The following REV1 variants were observed in gnomAD, a reference collection of about 807,000 sequenced individuals.
The protein encoded by REV1 is REV1 DNA directed polymerase, also known as translesion synthesis protein REV1.
Under a neutral mutation model 137.4 loss-of-function variants are expected in REV1, and 42 were observed. The ratio of observed to expected loss-of-function variants is 0.31; its 90% CI spans 0.24 to 0.40. REV1 has a LOEUF of 0.40. Ranked by LOEUF, REV1 falls within the 10% of genes least tolerant of loss-of-function variation. The pLI is 1.00. For synonymous variants in REV1, 524 were observed against 519.2 expected (o/e 1.01, Z -0.12); for missense variants, 1,282 against 1,490.1 (o/e 0.86, Z 2.30).
At chr2:99,472,578 G>A (rs1010220958) in intron 1 of REV1, among the ~76,000 whole-genome samples, 1 of 152,222 alleles carries the variant, frequency 6.6e-6, no homozygotes, top group Non-Finnish European at 1.5e-5. Context: ...TCTGAAGCTG[G>A]AAACACTGTA....
chr2:99,462,276 C>G (rs944512551), intron 3 of REV1, among the ~76,000 whole-genome samples: 7 of 152,104 alleles, frequency 4.6e-5, no homozygotes, highest in Admixed American at 3.9e-4. Flanking sequence ...TTAAACCTCA[C>G]GTGACTTTTT....
At chr2:99,442,507 T>C (rs750331525) in intron 4 of REV1, 38 bp from the exon 5 acceptor site, 4 of 1,592,420 alleles carry the variant, frequency 2.5e-6, no homozygotes, top group Non-Finnish European at 3.4e-6. Context: ...AGTTCCATAC[T>C]TGGTGACAAT....
intron 1 of REV1, among the ~76,000 whole-genome samples, chr2:99,482,572 A>T (rs762641340): frequency 5.3e-5 from 8 of 152,150 alleles, no homozygotes; most frequent in Admixed American, 2.0e-4. Flanking sequence ...TGCCCAAATT[A>T]CACTACAGCT....
intron 21 of REV1, 26 bp from the exon 22 acceptor site, chr2:99,402,372 G>A: frequency 2.6e-6 from 3 of 1,133,466 alleles, no homozygotes; most frequent in Non-Finnish European, 3.9e-6. Flanking sequence ...AACTTCAAAT[G>A]AGGACCAGTC....
rs766655273 is a variant in REV1, at chr2:99,424,181, G to A, written c.1647C>T (p.Val549=). ...CCAATGTTTCATACAATGTTTGTGCGACTTCCTTATATGCATGAAAATCGT... is the reference window on the plus strand; with the variant it reads ...CCAATGTTTCATACAATGTTTGTGCAACTTCCTTATATGCATGAAAATCGT... ...VPYDFHAYKE[V]AQTLYETLAS... The change falls in exon 10 of 23, where the codon GTC becomes GTT. Residue 549 remains valine (V), a synonymous_variant. Coordinates refer to ENST00000258428, the MANE Select transcript of REV1 (RefSeq NM_016316.4). 12 of 1,613,710 alleles carry A rather than the reference G, an allele frequency of 7.4e-6. No individual in the cohort carries two copies. The Admixed American group carries it at 1.0e-4, about 13-fold the overall frequency.
rs776413764 is a variant in REV1 at position 99,438,829 on chromosome 2, C to T, written c.985G>A (p.Val329Ile). Residue 329 changes from valine (V) to isoleucine (I), a missense_variant, in exon 6 of 23, where the codon GTA becomes ATA. Val to Ile is a conservative substitution (Grantham distance 29, BLOSUM62 3). Coordinates refer to ENST00000258428, the MANE Select transcript of REV1 (RefSeq NM_016316.4). ...GGTGCTGCCTTGCTAAACGTAGATA[C>T]TGAAGAAGTGCTTTTTGTGCTTGAA... ...GPSSTKSTSSVSTFSKAAPSV... is the reference protein window; with the variant it reads ...GPSSTKSTSSISTFSKAAPSV... 1.2e-6 allele frequency: 2 copies of T among 1,614,212 alleles called. No homozygotes were observed. Among genetic ancestry groups the T allele is most frequent in the South Asian group, 1.1e-5 (1 of 91,088 alleles).
chr2:99,414,948 A>G (rs375499981), intron 12 of REV1, among the ~76,000 whole-genome samples: 9 of 152,392 alleles, frequency 5.9e-5, no homozygotes, highest in African/African-American at 1.9e-4. Flanking sequence ...AGGAAAGGCT[A>G]TATTAAACAT....
chr2:99,489,532 G>C (rs1360978233), intron 1 of REV1, among the ~76,000 whole-genome samples: 1 of 148,738 alleles, frequency 6.7e-6, no homozygotes, highest in African/African-American at 2.4e-5. Context: ...CGGCCCATGG[G>C]GCTGGCGGCG....
chr2:99,406,956 CAG>C (rs1405959170), intron 15 of REV1: 1 of 152,040 alleles, frequency 6.6e-6, no homozygotes, highest in Non-Finnish European at 1.5e-5. Context: ...GCCATTATAA[CAG>C]TATTTCAGGG....
intron 9 of REV1, chr2:99,424,487 T>A: frequency 1.8e-6 from 1 of 569,956 alleles, no homozygotes; most frequent in Non-Finnish European, 3.0e-6. Context: ...ATGACACATG[T>A]AGATGTGCCA....
chr2:99,401,591 A>G (rs1675429136), intron 22 of REV1, among the ~76,000 whole-genome samples: 1 of 152,116 alleles, frequency 6.6e-6, no homozygotes, highest in African/African-American at 2.4e-5. Flanking sequence ...TACAAAAAAT[A>G]GAAAAATTAG....
intron 1 of REV1, among the ~76,000 whole-genome samples, chr2:99,471,426 A>C (rs984152696): frequency 2.2e-5 from 3 of 139,340 alleles, no homozygotes; most frequent in Admixed American, 1.5e-4. Context: ...TTAAAAAAAA[A>C]CTTAAAGTGT....
rs772647318 is a variant in REV1 at position 99,424,287 on chromosome 2, C to T, written c.1548-7G>A. The T allele has an allele frequency of 5.6e-6, 9 of 1,611,328 alleles. No homozygotes were observed. In the African/African-American group the frequency reaches 6.7e-5, roughly 12 times the overall value. ...GTTCTTAATGCCAAGTTGCCTAGAG[C>T]GAGAACAAAACACAATGGAGGTTAT... On this transcript the variant is annotated splice_polypyrimidine_tract_variant and splice_region_variant and intron_variant, in intron 9 of 22. Transcript: ENST00000258428.
chr2:99,424,520 T>TTTGG (rs1010219087), intron 9 of REV1: 2 of 493,330 alleles, frequency 4.1e-6, no homozygotes, highest in African/African-American at 3.9e-5. Context: ...AAATACCAGG[T>TTTGG]TTGGCTCTTG....
At chr2:99,468,774 A>G (rs751860453) in intron 1 of REV1, among the ~76,000 whole-genome samples, 6 of 152,232 alleles carry the variant, frequency 3.9e-5, no homozygotes, top group East Asian at 1.9e-4. Context: ...CATGAATGCA[A>G]AAGTACCCTT....
chr2:99,411,137 A>C (rs563245050), intron 13 of REV1, among the ~76,000 whole-genome samples: 2 of 152,038 alleles, frequency 1.3e-5, no homozygotes, highest in East Asian at 3.9e-4. Flanking sequence ...AAAATGCAAA[A>C]ATTAGCCTGG....
chr2:99,472,812 T>A (rs754854760), intron 1 of REV1, among the ~76,000 whole-genome samples: 5 of 152,240 alleles, frequency 3.3e-5, no homozygotes, highest in Non-Finnish European at 7.3e-5. Flanking sequence ...AAAAAAAGTT[T>A]GGTAACAGTC....
intron 12 of REV1, among the ~76,000 whole-genome samples, chr2:99,415,670 T>C (rs577053197): frequency 6.6e-6 from 1 of 152,254 alleles, no homozygotes; most frequent in Non-Finnish European, 1.5e-5. Context: ...ATTTAACTCA[T>C]ATTGTACTAG....
intron 3 of REV1, among the ~76,000 whole-genome samples, chr2:99,454,589 A>G (rs1347284530): frequency 6.8e-6 from 1 of 146,662 alleles, no homozygotes; most frequent in Non-Finnish European, 1.5e-5. Flanking sequence ...AAAAAAAAAA[A>G]AACCCAAAAA....
Sources: gnomAD v4.1 joint callset for allele counts (sites outside exome capture counted in the v4.1 genomes callset) on GRCh38, gnomAD v4.1.1 for gene constraint, MANE v1.5 for transcripts, NCBI Gene and HGNC (gene_info 2026-07-23, HGNC 2026-07-21) for gene names.